UNC13B: variants seen among roughly 807,000 people sequenced by gnomAD.
The protein encoded by UNC13B is protein unc-13 homolog B.
UNC13B carries 144 observed loss-of-function variants against 211.0 expected under a neutral mutation model. That is an observed-to-expected ratio of 0.68 (90% CI 0.60 to 0.78). The LOEUF is 0.78. Ranked by LOEUF, UNC13B falls within the 30% of genes least tolerant of loss-of-function variation. The pLI is 0.00. For synonymous variants in UNC13B, 709 were observed against 725.8 expected (o/e 0.98, Z 0.37); for missense variants, 1,777 against 2,002.0 (o/e 0.89, Z 2.14).
At position 35,376,066 on chromosome 9, in the gene UNC13B, C is replaced by T; in HGVS notation, c.9654C>T (p.Ile3218=). 3 of 1,614,262 alleles carry T rather than the reference C, an allele frequency of 1.9e-6. No homozygotes were observed. The highest frequency in any genetic ancestry group is 1.7e-6 in the Non-Finnish European group (2 of 1,180,040). Residue 3218 remains isoleucine, a synonymous_variant, in exon 15 of 40, where the codon ATC becomes ATT. Coordinates refer to ENST00000635942, the MANE Select transcript of UNC13B (RefSeq NM_001371189.2). ...HVYKKTLQAL[I]YPISCTTPHN... is the part of the protein sequence containing the mutation. Reference sequence around the variant, plus strand: ...ATAAGAAAACCCTGCAGGCCTTAATCTACCCCATTTCGTGCACCACTCCTC... The same window carrying T: ...ATAAGAAAACCCTGCAGGCCTTAATTTACCCCATTTCGTGCACCACTCCTC...
chr9:35,400,013 A>G (rs1836185216), intron 36 of UNC13B, among the ~76,000 whole-genome samples: 1 of 152,194 alleles, frequency 6.6e-6, no homozygotes, highest in Admixed American at 6.5e-5. Flanking sequence ...GTAAAAGAGC[A>G]CTTTTGGTTC....
intron 1 of UNC13B, among the ~76,000 whole-genome samples, chr9:35,219,487 C>T (rs573827148): frequency 3.3e-4 from 50 of 151,812 alleles, no homozygotes; most frequent in Non-Finnish European, 4.6e-4. Context: ...TGTGGTGGCA[C>T]ACACCTGTGG....
intron 11 of UNC13B, among the ~76,000 whole-genome samples, chr9:35,357,767 A>G (rs1833127798): frequency 6.6e-6 from 1 of 152,168 alleles, no homozygotes; most frequent in Admixed American, 6.5e-5. Flanking sequence ...TATACATAAC[A>G]TAAAATGTGT....
chr9:35,309,435 T>C (rs1159399641), intron 9 of UNC13B, among the ~76,000 whole-genome samples: 1 of 152,152 alleles, frequency 6.6e-6, no homozygotes, highest in Non-Finnish European at 1.5e-5. Flanking sequence ...TTCTCTTCTT[T>C]GACCAAGGGT....
chr9:35,235,998 C>T (rs532083294), intron 3 of UNC13B, among the ~76,000 whole-genome samples: 2 of 151,260 alleles, frequency 1.3e-5, no homozygotes, highest in African/African-American at 4.9e-5. Flanking sequence ...CCCCCCTCCC[C>T]ACTGAGGTTT....
chr9:35,238,315 C>CT (rs1393237803), intron 5 of UNC13B, among the ~76,000 whole-genome samples: 1 of 152,110 alleles, frequency 6.6e-6, no homozygotes, highest in Non-Finnish European at 1.5e-5. Flanking sequence ...TTCCTTTAAT[C>CT]TTCTCTGCAT....
intron 1 of UNC13B, among the ~76,000 whole-genome samples, chr9:35,218,087 T>G (rs895425436): frequency 3.3e-5 from 5 of 151,970 alleles, no homozygotes; most frequent in African/African-American, 1.2e-4. Flanking sequence ...AGGCAATGAG[T>G]ACCTGGCATT....
At chr9:35,322,541 A>G (rs983173993) in intron 11 of UNC13B, among the ~76,000 whole-genome samples, 1 of 152,198 alleles carries the variant, frequency 6.6e-6, no homozygotes, top group Non-Finnish European at 1.5e-5. Flanking sequence ...AGGTAGGATT[A>G]CAGCTGCCAG....
At position 35,184,809 on chromosome 9, in the gene UNC13B, GGGGGGGA is replaced by G. The variant is rs796136078; in HGVS notation, c.22+22506_22+22512del. Among the ~76,000 whole-genome samples, 259 of 112,758 alleles carry G rather than the reference GGGGGGGA, an allele frequency of 2.3e-3. 1 individual carries two copies. The highest frequency in any genetic ancestry group is 4.8e-3 in the Middle Eastern group (1 of 210). The allele number at this position is 112,758 out of a possible 152,430, so 74.0% of individuals were successfully genotyped here. ...AAAGAAAGAGAAAGAAGCGGGGGGG[GGGGGGGA>G]GAGAGAGAGAGAGAGAGGAGAAAGA... On this transcript the variant is annotated intron_variant, in intron 1 of 39. Coordinates refer to ENST00000635942, the MANE Select transcript of UNC13B (RefSeq NM_001371189.2).
intron 11 of UNC13B, chr9:35,341,945 G>A (rs1229136141): frequency 1.0e-6 from 1 of 985,508 alleles, no homozygotes; most frequent in African/African-American, 1.7e-5. Flanking sequence ...TCCAGTTGAA[G>A]TTTGGCTGCT....
intron 7 of UNC13B, among the ~76,000 whole-genome samples, chr9:35,271,534 T>C (rs1827880083): frequency 6.6e-6 from 1 of 152,174 alleles, no homozygotes; most frequent in African/African-American, 2.4e-5. Context: ...GGCTAAATGG[T>C]CAGAAGTTGA....
At chr9:35,194,670 C>A (rs773420100) in intron 1 of UNC13B, among the ~76,000 whole-genome samples, 1 of 152,174 alleles carries the variant, frequency 6.6e-6, no homozygotes, top group Non-Finnish European at 1.5e-5. Flanking sequence ...TGGAGGCCAA[C>A]AGCCCCAAAA....
intron 1 of UNC13B, among the ~76,000 whole-genome samples, chr9:35,222,770 C>T (rs1824633154): frequency 6.6e-6 from 1 of 152,184 alleles, no homozygotes. Flanking sequence ...TAACTATAAT[C>T]ACCCCAGTCT....
In UNC13B at chr9:35,403,941, C is replaced by G. The variant is rs1208495918; in HGVS notation, c.12931C>G (p.Leu4311Val). 1 of 1,614,144 alleles carries G rather than the reference C, an allele frequency of 6.2e-7. No homozygotes were observed. Among genetic ancestry groups the G allele is most frequent in the South Asian group, 1.1e-5 (1 of 91,084 alleles). ...TATGGATGAGACAGGCCTGACCATT[C>G]TCCGGATTTTATCTCAGAGGAGCAA... ...IHMDETGLTILRILSQRSNDE... is the reference protein window; with the variant it reads ...IHMDETGLTIVRILSQRSNDE... Residue 4311 changes from leucine to valine, a missense_variant, in exon 40 of 40, where the codon CTC becomes GTC. Coordinates refer to ENST00000635942, the MANE Select transcript of UNC13B (RefSeq NM_001371189.2).
rs116343586 is a variant in UNC13B at position 35,211,554 on chromosome 9, C to A, written c.23-16461C>A. Among the ~76,000 whole-genome samples the A allele has an allele frequency of 8.4e-3, 1,278 of 152,268 alleles. 17 individuals are homozygous for A. Among genetic ancestry groups the A allele is most frequent in the African/African-American group, 0.029 (1,213 of 41,548 alleles). The stretch of plus-strand genomic sequence containing the variant: ...CATTTTACTATTGCCAAATAGATTA[C>A]AATGAGTATCTTTATTTTTGCAAAT... On this transcript the variant is annotated intron_variant, in intron 1 of 39. Coordinates refer to ENST00000635942, the MANE Select transcript of UNC13B (RefSeq NM_001371189.2).
chr9:35,375,678 G>A (rs1834353530), intron 14 of UNC13B, among the ~76,000 whole-genome samples: 1 of 152,162 alleles, frequency 6.6e-6, no homozygotes, highest in South Asian at 2.1e-4. Flanking sequence ...GTATCTCCCT[G>A]CAGAACCCAA....
Position 35,185,834 on chromosome 9 carries a change from C to G in UNC13B, c.22+23529C>G, listed in dbSNP as rs538232550. On this transcript the variant is annotated intron_variant, in intron 1 of 39. Transcript: ENST00000635942. ...TTGGGAGGCTGAGGAGGGAGGATTT[C>G]TTGAGCTCTAGATGTAGAGACTGCA... Among the ~76,000 whole-genome samples, 3 of 151,298 alleles carry G rather than the reference C, an allele frequency of 2.0e-5. No homozygotes were observed. The South Asian group carries it at 6.3e-4, about 32-fold the overall frequency.
At chr9:35,330,637 A>G (rs1177244454) in intron 11 of UNC13B, among the ~76,000 whole-genome samples, 1 of 152,238 alleles carries the variant, frequency 6.6e-6, no homozygotes, top group Non-Finnish European at 1.5e-5. Flanking sequence ...AGCAGCTTTC[A>G]TGCACTTGTC....
At chr9:35,210,927 G>C (rs1477219811) in intron 1 of UNC13B, among the ~76,000 whole-genome samples, 2 of 151,858 alleles carry the variant, frequency 1.3e-5, no homozygotes, top group African/African-American at 2.4e-5. Context: ...AAAGAGATGG[G>C]GGTCTCTCTA....
Sources: gnomAD v4.1 joint callset for allele counts (sites outside exome capture counted in the v4.1 genomes callset) on GRCh38, gnomAD v4.1.1 for gene constraint, MANE v1.5 for transcripts, NCBI Gene and HGNC (gene_info 2026-07-23, HGNC 2026-07-21) for gene names.